CADM2: variants seen among roughly 807,000 people sequenced by gnomAD.
CADM2 encodes the protein cell adhesion molecule 2, also known as immunoglobulin superfamily member 4D.
A neutral mutation model predicts 49.8 loss-of-function variants in CADM2; 12 were observed. That is an observed-to-expected ratio of 0.24 (90% CI 0.15 to 0.39). The LOEUF (loss-of-function observed/expected upper bound fraction) is 0.39, where lower values mean the gene tolerates loss of function less well. CADM2 is among the 10% of genes least tolerant of loss of function. CADM2 has a pLI of 1.00. For synonymous variants in CADM2, 214 were observed against 175.4 expected, an observed-to-expected ratio of 1.22 and a Z score of -1.74; for missense variants, 378 against 492.3, an observed-to-expected ratio of 0.77 and a Z score of 2.20.
At chr3:85,515,525 C>A (rs1015754497) in intron 1 of CADM2, among the ~76,000 whole-genome samples, 5 of 148,582 alleles carry the variant, frequency 3.4e-5, no homozygotes, top group Non-Finnish European at 4.5e-5. Flanking sequence ...CGGGTTCAAG[C>A]GATTCTCCTG....
chr3:85,762,691 A>G (rs2069454134), intron 2 of CADM2, among the ~76,000 whole-genome samples: 1 of 151,524 alleles, frequency 6.6e-6, no homozygotes, highest in South Asian at 2.1e-4. Flanking sequence ...GGCATAAATA[A>G]TGTACTATAT....
chr3:85,512,629 G>A lies in CADM2; in HGVS notation c.62-213893G>A, dbSNP rs534913967. Among the ~76,000 whole-genome samples the A allele has an allele frequency of 4.7e-3, 715 of 152,048 alleles. 7 individuals are homozygous for A. Among genetic ancestry groups the A allele is most frequent in the African/African-American group, 0.016 (678 of 41,498 alleles). ...TTTTAAATGCAAAACTACTTTGTTA[G>A]CAATGTGCAAATTTATATTTTTGCA... is the stretch of plus-strand genomic sequence containing the variant. On this transcript the variant is annotated intron_variant, in intron 1 of 9. Transcript: ENST00000383699.
At position 85,526,731 on chromosome 3, in the gene CADM2, T is replaced by A. The variant is rs187656176; in HGVS notation, c.62-199791T>A. 1.8e-3 allele frequency among the ~76,000 whole-genome samples: 281 copies of A among 152,304 alleles called. 1 individual carries two copies. Among genetic ancestry groups the A allele is most frequent in the South Asian group, 8.1e-3 (39 of 4,828 alleles). On this transcript the variant is annotated intron_variant, in intron 1 of 9. Coordinates refer to ENST00000383699, the MANE Select transcript of CADM2 (RefSeq NM_001167675.2). The stretch of plus-strand genomic sequence containing the variant: ...TGCTTTATTCTCTACTAAAATGGGT[T>A]AGATTTCATATCAACTTGTATGAAC...
chr3:85,995,721 C>T (rs1729308251), intron 8 of CADM2, among the ~76,000 whole-genome samples: 1 of 152,024 alleles, frequency 6.6e-6, no homozygotes, highest in Non-Finnish European at 1.5e-5. Context: ...AGAAAGTCTT[C>T]AGTTGATATA....
chr3:85,990,527 GAT>G (rs1196620725), intron 8 of CADM2, among the ~76,000 whole-genome samples: 2 of 152,124 alleles, frequency 1.3e-5, no homozygotes, highest in Non-Finnish European at 2.9e-5. Flanking sequence ...GACTCTAGAG[GAT>G]AGAGGACGCA....
chr3:85,793,299 C>A (rs1420598446), intron 2 of CADM2, among the ~76,000 whole-genome samples: 1 of 152,098 alleles, frequency 6.6e-6, no homozygotes, highest in Admixed American at 6.5e-5. Context: ...TGGTTTTCAA[C>A]CACTGGTGTT....
intron 1 of CADM2, among the ~76,000 whole-genome samples, chr3:85,459,803 G>A (rs4856573): frequency 0.53 from 80,013 of 152,080 alleles, 23,196 homozygotes; most frequent in East Asian, 0.83. Flanking sequence ...CTCTGCATGT[G>A]TTTTTGATTG....
At chr3:85,091,590 T>C (rs1313932992) in intron 1 of CADM2, among the ~76,000 whole-genome samples, 1 of 152,142 alleles carries the variant, frequency 6.6e-6, no homozygotes, top group Non-Finnish European at 1.5e-5. Context: ...TTCATATGTG[T>C]ATACTGAAAA....
intron 1 of CADM2, among the ~76,000 whole-genome samples, chr3:85,159,575 A>G (rs371579981): frequency 1.2e-4 from 18 of 152,278 alleles, no homozygotes; most frequent in African/African-American, 4.3e-4. Flanking sequence ...TTATGTTGTT[A>G]TCTGTAGAGC....
intron 1 of CADM2, among the ~76,000 whole-genome samples, chr3:85,169,018 T>A (rs1484926199): frequency 6.6e-6 from 1 of 152,172 alleles, no homozygotes; most frequent in African/African-American, 2.4e-5. Context: ...AATGGTGTGA[T>A]CTCTGCTCAC....
intron 1 of CADM2, among the ~76,000 whole-genome samples, chr3:85,623,124 G>A (rs1041665207): frequency 6.6e-6 from 1 of 152,082 alleles, no homozygotes; most frequent in Admixed American, 6.6e-5. Flanking sequence ...GGAACTGAAG[G>A]AAGAGCTGTG....
intron 1 of CADM2, among the ~76,000 whole-genome samples, chr3:85,379,158 T>A (rs1240576754): frequency 2.6e-5 from 4 of 152,028 alleles, no homozygotes; most frequent in Non-Finnish European, 5.9e-5. Context: ...GCAACAAAAA[T>A]ATTACCATTG....
Position 85,984,259 on chromosome 3 carries a change from T to G in CADM2, c.970+22612T>G, listed in dbSNP as rs575379280. Among the ~76,000 whole-genome samples the G allele has an allele frequency of 4.0e-5, 6 of 151,136 alleles. No homozygotes were observed. In the East Asian group the frequency reaches 1.2e-3, roughly 29 times the overall value. On this transcript the variant is annotated intron_variant, in intron 8 of 9. Transcript: ENST00000383699. ...TGATTTTTTAATTAACTTAATATAG[T>G]CATTTATAAAATAATTCCAAGTGAC...
intron 2 of CADM2, among the ~76,000 whole-genome samples, chr3:85,762,815 T>A (rs2069459381): frequency 6.6e-6 from 1 of 151,682 alleles, no homozygotes; most frequent in Non-Finnish European, 1.5e-5. Flanking sequence ...TGTACTTTGA[T>A]ATTTGCTTTT....
At chr3:85,331,788 G>T (rs947912059) in intron 1 of CADM2, among the ~76,000 whole-genome samples, 1 of 151,792 alleles carries the variant, frequency 6.6e-6, no homozygotes, top group African/African-American at 2.4e-5. Flanking sequence ...CATTCATTAC[G>T]GCCTGTCTTT....
chr3:85,671,361 C>A (rs112806483), intron 1 of CADM2, among the ~76,000 whole-genome samples: 5 of 152,272 alleles, frequency 3.3e-5, no homozygotes, highest in African/African-American at 1.2e-4. Flanking sequence ...TCTCCCATAA[C>A]TGTAATTGCT....
chr3:85,765,084 C>G (rs1246306012), intron 2 of CADM2, among the ~76,000 whole-genome samples: 1 of 151,810 alleles, frequency 6.6e-6, no homozygotes, highest in Non-Finnish European at 1.5e-5. Flanking sequence ...TAATATTATT[C>G]CCTTCTTGGT....
intron 1 of CADM2, among the ~76,000 whole-genome samples, chr3:85,016,049 A>G (rs2034235127): frequency 6.6e-6 from 1 of 152,202 alleles, no homozygotes; most frequent in Non-Finnish European, 1.5e-5. Flanking sequence ...TGAAGAGATG[A>G]GCAGATTTGT....
At chr3:85,640,824 G>A (rs1402388785) in intron 1 of CADM2, among the ~76,000 whole-genome samples, 4 of 150,486 alleles carry the variant, frequency 2.7e-5, no homozygotes, top group Non-Finnish European at 4.4e-5. Context: ...CAGTTAGAAA[G>A]TGATTTAGGT....
Sources: allele counts gnomAD v4.1 joint callset (sites outside exome capture counted in the v4.1 genomes callset), GRCh38; gene constraint gnomAD v4.1.1; transcripts MANE v1.5; gene names NCBI Gene and HGNC (gene_info 2026-07-23, HGNC 2026-07-21).